Variants in MYT1L observed in about 807,000 individuals in gnomAD.
The protein encoded by MYT1L is myelin transcription factor 1-like protein.
A neutral mutation model predicts 126.7 loss-of-function variants in MYT1L; 12 were observed. The observed-to-expected ratio is 0.09, with a 90% CI of 0.06 to 0.15. MYT1L has a LOEUF of 0.15. MYT1L is among the 10% of genes least tolerant of loss of function. MYT1L has a pLI of 1.00. For missense variants in MYT1L, 979 were observed against 1,585.2 expected, an observed-to-expected ratio of 0.62 and a Z score of 6.49; for synonymous variants, 541 against 604.2, an observed-to-expected ratio of 0.90 and a Z score of 1.53.
At chr2:2,238,276 C>A (rs1429320637) in intron 2 of MYT1L, among the ~76,000 whole-genome samples, 3 of 152,080 alleles carry the variant, frequency 2.0e-5, no homozygotes, top group African/African-American at 7.2e-5. Context: ...TGTCTCTGCG[C>A]AAGGTACCCT....
intron 1 of MYT1L, among the ~76,000 whole-genome samples, chr2:2,313,689 G>A (rs2096014227): frequency 1.3e-5 from 2 of 151,718 alleles, no homozygotes; most frequent in Admixed American, 1.3e-4. Context: ...ATACTGTCTT[G>A]GTCTTCTCCT....
At chr2:2,328,850 G>A (rs530961906) in intron 1 of MYT1L, among the ~76,000 whole-genome samples, 2 of 152,298 alleles carry the variant, frequency 1.3e-5, no homozygotes, top group African/African-American at 4.8e-5. Context: ...CAGATGGAAA[G>A]TCTTTACTAA....
At chr2:1,859,325 T>TTAAA (rs1284210593) in intron 18 of MYT1L, among the ~76,000 whole-genome samples, 1 of 152,224 alleles carries the variant, frequency 6.6e-6, no homozygotes, top group African/African-American at 2.4e-5. Flanking sequence ...ACTTTTCTTT[T>TTAAA]TAAATTACAC....
intron 2 of MYT1L, among the ~76,000 whole-genome samples, chr2:2,236,939 A>G (rs2094336813): frequency 6.6e-6 from 1 of 151,330 alleles, no homozygotes; most frequent in Non-Finnish European, 1.5e-5. Context: ...GCAGTCTCCC[A>G]AGTAGCTGGG....
chr2:1,977,409 A>G (rs1263825232), intron 8 of MYT1L, among the ~76,000 whole-genome samples: 1 of 152,224 alleles, frequency 6.6e-6, no homozygotes, highest in East Asian at 1.9e-4. Flanking sequence ...AAGCATATGA[A>G]TGCTTGAAAT....
intron 23 of MYT1L, among the ~76,000 whole-genome samples, chr2:1,800,828 T>C (rs2034714683): frequency 6.6e-6 from 1 of 151,704 alleles, no homozygotes; most frequent in South Asian, 2.1e-4. Context: ...CCGAGCAACC[T>C]TCATGGAGGC....
chr2:2,308,623 T>A (rs1331285684), intron 1 of MYT1L, among the ~76,000 whole-genome samples: 2 of 151,988 alleles, frequency 1.3e-5, no homozygotes, highest in Non-Finnish European at 2.9e-5. Context: ...CCACTTATAC[T>A]TCCGTATAAC....
At chr2:2,292,072 C>T (rs2095608065) in intron 1 of MYT1L, among the ~76,000 whole-genome samples, 1 of 152,228 alleles carries the variant, frequency 6.6e-6, no homozygotes, top group Non-Finnish European at 1.5e-5. Context: ...GTGGGCTCTG[C>T]TTCCCTCTGT....
chr2:1,967,837 T>A (rs2059492689), intron 8 of MYT1L, among the ~76,000 whole-genome samples: 1 of 152,084 alleles, frequency 6.6e-6, no homozygotes, highest in South Asian at 2.1e-4. Context: ...GGGACGTTGC[T>A]GTTATTACCA....
At chr2:1,817,233 G>A (rs1245255356) in intron 21 of MYT1L, among the ~76,000 whole-genome samples, 2 of 152,216 alleles carry the variant, frequency 1.3e-5, no homozygotes, top group Non-Finnish European at 2.9e-5. Context: ...GGTTAATTAA[G>A]TGCATGGGAG....
At chr2:2,283,940 G>T (rs2095483146) in intron 2 of MYT1L, among the ~76,000 whole-genome samples, 1 of 152,168 alleles carries the variant, frequency 6.6e-6, no homozygotes. Context: ...GGGTACTCAA[G>T]GGCTTCAAGA....
At chr2:2,279,283 A>C (rs2095411970) in intron 2 of MYT1L, among the ~76,000 whole-genome samples, 1 of 152,184 alleles carries the variant, frequency 6.6e-6, no homozygotes, top group Admixed American at 6.5e-5. Flanking sequence ...CTATATTTCA[A>C]GGCTATGCCT....
At chr2:2,183,288 T>C (rs548000551) in intron 2 of MYT1L, among the ~76,000 whole-genome samples, 1 of 151,820 alleles carries the variant, frequency 6.6e-6, no homozygotes, top group South Asian at 2.1e-4. Flanking sequence ...CTGGGGGAAG[T>C]AGACCACGAG....
At chr2:2,153,425 G>A (rs1019671209) in intron 3 of MYT1L, among the ~76,000 whole-genome samples, 2 of 152,200 alleles carry the variant, frequency 1.3e-5, no homozygotes, top group African/African-American at 4.8e-5. Context: ...AGCTGGAGGT[G>A]CTGGGCCAGA....
intron 21 of MYT1L, among the ~76,000 whole-genome samples, chr2:1,820,082 G>A (rs2038308117): frequency 6.6e-6 from 1 of 152,062 alleles, no homozygotes; most frequent in African/African-American, 2.4e-5. Flanking sequence ...GAGGAATGAG[G>A]GAGTACAGCC....
chr2:2,276,012 C>A (rs1205571987), intron 2 of MYT1L, among the ~76,000 whole-genome samples: 1 of 152,026 alleles, frequency 6.6e-6, no homozygotes, highest in Non-Finnish European at 1.5e-5. Context: ...GTGTTTGTTG[C>A]TTTATGGAGT....
intron 21 of MYT1L, among the ~76,000 whole-genome samples, chr2:1,829,911 T>C (rs2039906851): frequency 6.6e-6 from 1 of 152,224 alleles, no homozygotes; most frequent in South Asian, 2.1e-4. Flanking sequence ...ACATGGCTGC[T>C]TCCTGTTTCA....
intron 2 of MYT1L, among the ~76,000 whole-genome samples, chr2:2,282,852 A>T (rs1455618191): frequency 6.6e-6 from 1 of 152,226 alleles, no homozygotes; most frequent in Non-Finnish European, 1.5e-5. Context: ...AGGTGGGCAG[A>T]CCACTTGAGG....
At chr2:2,283,813 A>G (rs2095481908) in intron 2 of MYT1L, among the ~76,000 whole-genome samples, 1 of 152,186 alleles carries the variant, frequency 6.6e-6, no homozygotes, top group African/African-American at 2.4e-5. Context: ...CTACAGCCTC[A>G]AAATGGGGCT....
Sources: allele counts gnomAD v4.1 joint callset (sites outside exome capture counted in the v4.1 genomes callset), GRCh38; gene constraint gnomAD v4.1.1; transcripts MANE v1.5; gene names NCBI Gene and HGNC (gene_info 2026-07-23, HGNC 2026-07-21).